PTPRZ1: variants seen among roughly 807,000 people sequenced by gnomAD.
The protein encoded by PTPRZ1 is receptor-type tyrosine-protein phosphatase zeta.
Under a neutral mutation model 214.1 loss-of-function variants are expected in PTPRZ1, and 82 were observed. The ratio of observed to expected loss-of-function variants is 0.38; its 90% CI spans 0.32 to 0.46. PTPRZ1 has a LOEUF of 0.46. Among genes scored for constraint, PTPRZ1 ranks in the 20% least tolerant of loss-of-function variants. The pLI, the probability that PTPRZ1 is intolerant of heterozygous loss-of-function variation, is 1.00. For missense variants in PTPRZ1, 2,603 were observed against 2,748.7 expected (o/e 0.95, Z 1.19); for synonymous variants, 945 against 987.9 (o/e 0.96, Z 0.81).
Position 122,028,660 on chromosome 7 carries a change from T to C in PTPRZ1, c.5080+17T>C. On this transcript the variant is annotated intron_variant, in intron 14 of 29. Transcript: ENST00000393386. ...CAATTTCAGGTAATGGCTTAAAGTG[T>C]GACCATGAGTAGCTGGTAGATGTTG... 1 of 1,493,610 alleles carries C rather than the reference T, an allele frequency of 6.7e-7. No individual in the cohort carries two copies. Among genetic ancestry groups the C allele is most frequent in the Non-Finnish European group, 9.3e-7 (1 of 1,072,148 alleles). The allele number at this position is 1,493,610 out of a possible 1,614,324, so 92.5% of individuals were successfully genotyped here. A position where few individuals can be genotyped will look rare whatever the true frequency, so the allele number is the denominator to read the frequency against.
chr7:121,900,018 T>C (rs1332317267), intron 1 of PTPRZ1, among the ~76,000 whole-genome samples: 3 of 152,182 alleles, frequency 2.0e-5, no homozygotes, highest in African/African-American at 4.8e-5. Flanking sequence ...GATACTCTCA[T>C]GGCTGAAGCC....
At chr7:122,036,572 A>G (rs1286017571) in intron 17 of PTPRZ1, 28 bp from the exon 18 acceptor site, 1 of 1,452,428 alleles carries the variant, frequency 6.9e-7, no homozygotes, top group Non-Finnish European at 9.6e-7. Flanking sequence ...TCTGTGCTAC[A>G]ATGAAATATA....
chr7:121,890,621 C>G (rs560619829), intron 1 of PTPRZ1, among the ~76,000 whole-genome samples: 11 of 152,042 alleles, frequency 7.2e-5, no homozygotes, highest in Non-Finnish European at 1.6e-4. Flanking sequence ...GTCCATCAAG[C>G]CCCAAATGCT....
chr7:121,951,425 G>A (rs757207909), intron 2 of PTPRZ1, among the ~76,000 whole-genome samples: 1 of 152,232 alleles, frequency 6.6e-6, no homozygotes, highest in Non-Finnish European at 1.5e-5. Flanking sequence ...ATATGACTCT[G>A]ATGTGAACAC....
intron 27 of PTPRZ1, among the ~76,000 whole-genome samples, chr7:122,057,076 G>A (rs1314297079): frequency 2.0e-5 from 3 of 151,836 alleles, no homozygotes; most frequent in South Asian, 2.1e-4. Context: ...TTGCTATTAC[G>A]AACAGTGCTG....
At chr7:121,938,007 A>G (rs953129305) in intron 2 of PTPRZ1, among the ~76,000 whole-genome samples, 3 of 152,164 alleles carry the variant, frequency 2.0e-5, no homozygotes, top group Admixed American at 6.6e-5. Context: ...TATGTATCAT[A>G]TATTTCATAT....
Position 122,010,589 on chromosome 7 carries a change from G to T in PTPRZ1, c.1543G>T (p.Asp515Tyr), listed in dbSNP as rs1798620090. The T allele has an allele frequency of 1.2e-6, 2 of 1,613,662 alleles. No individual in the cohort carries two copies. Among genetic ancestry groups the T allele is most frequent in the Non-Finnish European group, 1.7e-6 (2 of 1,179,588 alleles). The change falls in exon 12 of 30, where the codon GAT becomes TAT. Residue 515 changes from aspartate (D) to tyrosine (Y), a missense_variant. Coordinates refer to ENST00000393386, the MANE Select transcript of PTPRZ1 (RefSeq NM_002851.3). ...QPVTKLATEKDISLTSQTVTE... is the reference protein window; with the variant it reads ...QPVTKLATEKYISLTSQTVTE... The stretch of plus-strand genomic sequence containing the variant: ...AGTCACTAAATTAGCCACAGAAAAA[G>T]ATATTTCCTTGACTTCTCAGACTGT...
At chr7:121,972,313 G>T (rs1443176635) in intron 3 of PTPRZ1, among the ~76,000 whole-genome samples, 4 of 152,148 alleles carry the variant, frequency 2.6e-5, no homozygotes, top group Non-Finnish European at 5.9e-5. Context: ...TTCTGCCCTT[G>T]AAGTCATACA....
intron 8 of PTPRZ1, among the ~76,000 whole-genome samples, chr7:121,987,255 T>G (rs1478711212): frequency 1.3e-5 from 2 of 152,088 alleles, no homozygotes; most frequent in African/African-American, 4.8e-5. Context: ...CCTCACAGAG[T>G]CTCAGCTGCT....
chr7:121,935,155 T>C (rs1405072880), intron 2 of PTPRZ1, among the ~76,000 whole-genome samples: 1 of 152,214 alleles, frequency 6.6e-6, no homozygotes, highest in Non-Finnish European at 1.5e-5. Context: ...AACTCTTATG[T>C]AGTATGGACT....
intron 2 of PTPRZ1, among the ~76,000 whole-genome samples, chr7:121,944,950 A>AT (rs1194465229): frequency 6.6e-6 from 1 of 152,172 alleles, no homozygotes; most frequent in Non-Finnish European, 1.5e-5. Flanking sequence ...CCCAGATTAC[A>AT]TTTTTTGTCA....
intron 1 of PTPRZ1, among the ~76,000 whole-genome samples, chr7:121,918,942 A>T (rs183343947): frequency 6.6e-6 from 1 of 151,992 alleles, no homozygotes; most frequent in African/African-American, 2.4e-5. Flanking sequence ...AAACTTCCCC[A>T]CTTTTTGTAT....
chr7:121,934,068 C>T (rs974246469), intron 2 of PTPRZ1, among the ~76,000 whole-genome samples: 3 of 152,064 alleles, frequency 2.0e-5, no homozygotes, highest in African/African-American at 7.2e-5. Context: ...CCCTGTTGAC[C>T]ATGGTTACCC....
In PTPRZ1 at chr7:121,958,949, G is replaced by C. The variant is rs143346704; in HGVS notation, c.125-9002G>C. ...AGCCATTCTCCTGCCTCAGCCTCCTGAGTAGCTGGGACTACAGGTGCCCAC... is the reference window on the plus strand; with the variant it reads ...AGCCATTCTCCTGCCTCAGCCTCCTCAGTAGCTGGGACTACAGGTGCCCAC... On this transcript the variant is annotated intron_variant, in intron 2 of 29. Transcript: ENST00000393386. Among the ~76,000 whole-genome samples the C allele has an allele frequency of 6.2e-3, 949 of 152,170 alleles. 7 individuals carry two copies. Among genetic ancestry groups the C allele is most frequent in the African/African-American group, 0.021 (878 of 41,498 alleles).
intron 2 of PTPRZ1, among the ~76,000 whole-genome samples, chr7:121,947,410 T>G (rs1796417271): frequency 6.6e-6 from 1 of 152,008 alleles, no homozygotes; most frequent in Admixed American, 6.5e-5. Flanking sequence ...AAAATTTTAA[T>G]TGCTTAATAA....
At chr7:121,903,497 C>T (rs1011087784) in intron 1 of PTPRZ1, among the ~76,000 whole-genome samples, 5 of 152,122 alleles carry the variant, frequency 3.3e-5, no homozygotes, top group African/African-American at 1.2e-4. Flanking sequence ...AAAGAAAAGC[C>T]AGGGTTCTGT....
rs756692831 is a variant in PTPRZ1 at position 122,010,958 on chromosome 7, G to A, written c.1912G>A (p.Gly638Ser). The A allele has an allele frequency of 2.5e-6, 4 of 1,614,150 alleles. No homozygotes were observed. Among genetic ancestry groups the A allele is most frequent in the Non-Finnish European group, 3.4e-6 (4 of 1,180,020 alleles). Reference protein sequence around the residue: ...RNASEDSTSSGSEESLKDPSM... With the variant: ...RNASEDSTSSSSEESLKDPSM... ...TGCTTCCGAAGATTCAACTTCATCA[G>A]GTTCAGAAGAATCACTAAAGGATCC... The change falls in exon 12 of 30, where the codon GGT becomes AGT. Residue 638 changes from glycine to serine, a missense_variant. Gly to Ser is a moderately conservative substitution (Grantham distance 56). This residue lies in a region of PTPRZ1 where 1,913 missense variants were observed against 1,914.3 expected (regional missense o/e 1.00). Coordinates refer to ENST00000393386, the MANE Select transcript of PTPRZ1 (RefSeq NM_002851.3).
intron 2 of PTPRZ1, among the ~76,000 whole-genome samples, chr7:121,930,258 A>G (rs1458089645): frequency 6.6e-6 from 1 of 152,216 alleles, no homozygotes; most frequent in Non-Finnish European, 1.5e-5. Context: ...ACTCATTTAT[A>G]ATAAGGACCC....
At chr7:121,912,941 C>T (rs761507993) in intron 1 of PTPRZ1, among the ~76,000 whole-genome samples, 6 of 151,968 alleles carry the variant, frequency 3.9e-5, no homozygotes, top group Non-Finnish European at 7.4e-5. Flanking sequence ...GGGAACATTC[C>T]TCTAAGATTA....
Sources: gnomAD v4.1 joint callset for allele counts (sites outside exome capture counted in the v4.1 genomes callset) on GRCh38, gnomAD v4.1.1 for gene constraint, gnomAD v4.1.1 regional missense constraint, MANE v1.5 for transcripts, NCBI Gene and HGNC (gene_info 2026-07-23, HGNC 2026-07-21) for gene names.